The following UVSSA variants were observed in gnomAD, a reference collection of about 807,000 sequenced individuals.
UVSSA encodes UV stimulated scaffold protein A.
Under a neutral mutation model 73.9 loss-of-function variants are expected in UVSSA, and 72 were observed. The ratio of observed to expected loss-of-function variants is 0.97; its 90% CI spans 0.81 to 1.19. The LOEUF is 1.19. Ranked by LOEUF, UVSSA falls within the 50% of genes most tolerant of loss-of-function variation. The pLI, the probability that UVSSA is intolerant of heterozygous loss-of-function variation, is 0.00. For synonymous variants in UVSSA, 454 were observed against 391.3 expected (o/e 1.16, Z -1.89); for missense variants, 1,150 against 965.0 (o/e 1.19, Z -2.54).
Position 1,379,799 on chromosome 4 carries a change from C to T in UVSSA, c.1569-248C>T, listed in dbSNP as rs1366668575. On this transcript the variant is annotated intron_variant, in intron 10 of 13. Coordinates refer to ENST00000389851, the MANE Select transcript of UVSSA (RefSeq NM_020894.4). The stretch of plus-strand genomic sequence containing the variant: ...AGACGCAGGCGGTCGTGCCCGTGGT[C>T]GCGCGGCTGGTTCACGTGGCATCAG... 1.0e-4 allele frequency among the ~76,000 whole-genome samples: 4 copies of T among 38,136 alleles called. 1 individual carries two copies. Among genetic ancestry groups the T allele is most frequent in the Non-Finnish European group, 1.8e-4 (3 of 16,272 alleles). The allele number at this position is 38,136 out of a possible 152,430, so 25.0% of individuals were successfully genotyped here.
At chr4:1,361,263 C>T (rs899275229) in intron 7 of UVSSA, among the ~76,000 whole-genome samples, 2 of 152,330 alleles carry the variant, frequency 1.3e-5, no homozygotes, top group African/African-American at 4.8e-5. Flanking sequence ...GGAAGCGGCC[C>T]GAGGCCCACC....
chr4:1,357,243 G>A (rs1715914574), intron 7 of UVSSA, among the ~76,000 whole-genome samples: 1 of 151,422 alleles, frequency 6.6e-6, no homozygotes, highest in Admixed American at 6.6e-5. Flanking sequence ...TTATTGGTGA[G>A]GGTCCACAGA....
intron 7 of UVSSA, among the ~76,000 whole-genome samples, chr4:1,355,509 G>A (rs939413783): frequency 3.9e-5 from 6 of 152,206 alleles, no homozygotes; most frequent in Admixed American, 6.5e-5. Flanking sequence ...AGTGCTGTGC[G>A]CGCCTCCAGG....
chr4:1,377,095 T>A (rs1718870277), intron 10 of UVSSA, among the ~76,000 whole-genome samples: 1 of 152,126 alleles, frequency 6.6e-6, no homozygotes, highest in Admixed American at 6.5e-5. Flanking sequence ...CGGGAGCGTC[T>A]CATCCGTGTG....
At chr4:1,384,316 G>A (rs11727578) in intron 13 of UVSSA, 60,556 of 240,116 alleles carry the variant, frequency 0.25, 8,997 homozygotes, top group Non-Finnish European at 0.32. Context: ...TTTCTGCAGC[G>A]GTGACTTCAG....
At position 1,386,181 on chromosome 4, in the gene UVSSA, G is replaced by A; in HGVS notation, c.*220G>A. On this transcript the variant is annotated 3_prime_UTR_variant, in exon 14 of 14. Transcript: ENST00000389851. The stretch of plus-strand genomic sequence containing the variant: ...GTCTGGCCTCGCAGAAGAGGCCCTC[G>A]GGCCTGGAGATGTGAACACAGGCAG... 1.8e-6 allele frequency: 1 copy of A among 541,954 alleles called. No individual in the cohort carries two copies. Among genetic ancestry groups the A allele is most frequent in the Non-Finnish European group, 3.3e-6 (1 of 301,620 alleles). The allele number at this position is 541,954 out of a possible 1,614,324, so 33.6% of individuals were successfully genotyped here. A position where few individuals can be genotyped will look rare whatever the true frequency, so the allele number is the denominator to read the frequency against.
In UVSSA at chr4:1,386,025, G is replaced by C; in HGVS notation, c.*64G>C. The C allele has an allele frequency of 6.5e-7, 1 of 1,549,466 alleles. No individual in the cohort carries two copies. The highest frequency in any genetic ancestry group is 2.2e-5 in the East Asian group (1 of 44,562). Reference sequence around the variant, plus strand: ...CCTCTGCCAGTGTCTCAGGACAGCAGAGTGGGCGTGGGTCTGGGCAGTAAC... The same window carrying C: ...CCTCTGCCAGTGTCTCAGGACAGCACAGTGGGCGTGGGTCTGGGCAGTAAC... On this transcript the variant is annotated 3_prime_UTR_variant, in exon 14 of 14. Coordinates refer to ENST00000389851, the MANE Select transcript of UVSSA (RefSeq NM_020894.4).
chr4:1,369,062 G>T (rs1577342611), intron 8 of UVSSA, among the ~76,000 whole-genome samples: 2 of 152,350 alleles, frequency 1.3e-5, no homozygotes, highest in African/African-American at 4.8e-5. Flanking sequence ...GCAGGCAGAG[G>T]CCCTGGTGGT....
At position 1,383,873 on chromosome 4, in the gene UVSSA, A is replaced by G; in HGVS notation, c.1969A>G (p.Ser657Gly). 2 of 1,613,608 alleles carry G rather than the reference A, an allele frequency of 1.2e-6. No individual in the cohort carries two copies. Among genetic ancestry groups the G allele is most frequent in the Non-Finnish European group, 1.7e-6 (2 of 1,179,996 alleles). ...CAGGGGGAAGAAGAGGAGGTACCCC[A>G]GCCTCACCAACCTGAAGGCTCAGGC... ...KGRGKKRRYP[S>G]LTNLKAQADT... The change falls in exon 13 of 14, where the codon AGC becomes GGC. Residue 657 changes from serine to glycine, a missense_variant. Transcript: ENST00000389851.
chr4:1,376,079 A>G lies in UVSSA; in HGVS notation c.1479A>G (p.Ala493=). The G allele has an allele frequency of 6.2e-7, 1 of 1,602,812 alleles. No individual in the cohort carries two copies. Among genetic ancestry groups the G allele is most frequent in the Middle Eastern group, 1.7e-4 (1 of 5,940 alleles). ...LPEPQEAQKL[A]AERARAPVVP... ...AGCCACAGGAGGCCCAGAAGCTGGC[A>G]GCAGAGCGGGCCCGGGCGCCTGTGG... Residue 493 remains alanine, a synonymous_variant, in exon 10 of 14, where the codon GCA becomes GCG. Coordinates refer to ENST00000389851, the MANE Select transcript of UVSSA (RefSeq NM_020894.4).
At chr4:1,371,256 CTG>C (rs34839757) in intron 8 of UVSSA, among the ~76,000 whole-genome samples, 11,761 of 146,388 alleles carry the variant, frequency 0.08, 480 homozygotes, top group African/African-American at 0.094. Flanking sequence ...GTGGGTGGAC[CTG>C]TGTGTGTGTG....
rs1720097472 is a variant in UVSSA at position 1,386,172 on chromosome 4, G to C, written c.*211G>C. The C allele has an allele frequency of 1.1e-5, 6 of 562,946 alleles. No individual in the cohort carries two copies. Among genetic ancestry groups the C allele is most frequent in the Non-Finnish European group, 1.3e-5 (4 of 315,478 alleles). 34.9% of individuals were successfully genotyped at this position (562,946 alleles called of 1,614,324 possible). A position where few individuals can be genotyped will look rare whatever the true frequency, so the allele number is the denominator to read the frequency against. ...TGGTGATGGGTCTGGCCTCGCAGAA[G>C]AGGCCCTCGGGCCTGGAGATGTGAA... On this transcript the variant is annotated 3_prime_UTR_variant, in exon 14 of 14. Transcript: ENST00000389851.
chr4:1,390,240 A>T (rs554597067), downstream of UVSSA: 5 of 138,284 alleles, frequency 3.6e-5, no homozygotes, highest in South Asian at 6.2e-4. Flanking sequence ...GTTATTTAAG[A>T]GTTTGTTGTT....
intron 7 of UVSSA, among the ~76,000 whole-genome samples, chr4:1,357,480 G>A (rs1715953771): frequency 6.6e-6 from 1 of 152,248 alleles, no homozygotes; most frequent in African/African-American, 2.4e-5. Flanking sequence ...GTTGGCTGGT[G>A]GAAGTGAATC....
At chr4:1,378,043 C>T (rs1718986492) in intron 10 of UVSSA, among the ~76,000 whole-genome samples, 1 of 152,242 alleles carries the variant, frequency 6.6e-6, no homozygotes, top group African/African-American at 2.4e-5. Flanking sequence ...GGCTGCTCAC[C>T]CCACATTCCC....
exon 14 of UVSSA, chr4:1,395,802 T>G: frequency 6.2e-7 from 1 of 1,614,228 alleles, no homozygotes; most frequent in Non-Finnish European, 8.5e-7. Context: ...TTTAATACGT[T>G]TTTATGTCAA....
chr4:1,366,534 C>A, intron 8 of UVSSA, 103 bp downstream of exon 8: 1 of 769,912 alleles, frequency 1.3e-6, no homozygotes, highest in Non-Finnish European at 2.1e-6. Flanking sequence ...TGGAGCCCAT[C>A]TTGTGGTAAC....
Position 1,354,837 on chromosome 4 carries a change from C to G in UVSSA, c.1037C>G (p.Ser346Trp). 2 of 1,607,738 alleles carry G rather than the reference C, an allele frequency of 1.2e-6. No homozygotes were observed. The highest frequency in any genetic ancestry group is 1.7e-6 in the Non-Finnish European group (2 of 1,178,116). The change falls in exon 6 of 14, where the codon TCG becomes TGG. Residue 346 changes from serine (S) to tryptophan (W), a missense_variant. Transcript: ENST00000389851. ...IRNKFLPAVC[S>W]WIQRFTRVGT... Reference sequence around the variant, plus strand: ...AACAAGTTCCTGCCGGCTGTGTGCTCGTGGATCCAGGTGAGCCTCGAACCT... The same window carrying G: ...AACAAGTTCCTGCCGGCTGTGTGCTGGTGGATCCAGGTGAGCCTCGAACCT...
downstream of UVSSA, chr4:1,389,826 A>G (rs1046127344): frequency 2.0e-5 from 3 of 152,088 alleles, no homozygotes; most frequent in Non-Finnish European, 4.4e-5. Flanking sequence ...CTCCCAGCCT[A>G]TTCATAGTAT....
Sources: allele counts gnomAD v4.1 joint callset (sites outside exome capture counted in the v4.1 genomes callset), GRCh38; gene constraint gnomAD v4.1.1; transcripts MANE v1.5; gene names NCBI Gene and HGNC (gene_info 2026-07-23, HGNC 2026-07-21).